Variants in GRID2 observed in about 807,000 individuals in gnomAD.
GRID2 encodes glutamate receptor ionotropic, delta-2.
In GRID2, 33 loss-of-function variants were observed where a neutral mutation model predicts 114.8. That is an observed-to-expected ratio of 0.29 (90% CI 0.22 to 0.38). The LOEUF (loss-of-function observed/expected upper bound fraction) is 0.38. Ranked by LOEUF, GRID2 falls within the 10% of genes least tolerant of loss-of-function variation. The pLI is 1.00. For synonymous variants in GRID2, 505 were observed against 449.9 expected, an observed-to-expected ratio of 1.12 and a Z score of -1.55; for missense variants, 1,184 against 1,257.7, an observed-to-expected ratio of 0.94 and a Z score of 0.89.
intron 13 of GRID2, among the ~76,000 whole-genome samples, chr4:93,578,996 G>A (rs1290473064): frequency 2.0e-5 from 3 of 152,126 alleles, no homozygotes; most frequent in African/African-American, 7.2e-5. Context: ...CTTCGTAGGA[G>A]CATTTCTGGA....
intron 1 of GRID2, among the ~76,000 whole-genome samples, chr4:92,571,626 G>A (rs368710423): frequency 6.6e-6 from 1 of 151,884 alleles, no homozygotes; most frequent in Non-Finnish European, 1.5e-5. Flanking sequence ...TGACCACATA[G>A]TTGGAAGTAA....
chr4:92,499,930 A>T (rs1314196457), intron 1 of GRID2, among the ~76,000 whole-genome samples: 1 of 152,200 alleles, frequency 6.6e-6, no homozygotes, highest in African/African-American at 2.4e-5. Flanking sequence ...ATGTTTTTAT[A>T]CATCCAAATT....
chr4:92,794,874 T>A lies in GRID2; in HGVS notation c.244+204588T>A, dbSNP rs553806257. The stretch of plus-strand genomic sequence containing the variant: ...CAGAGTCATTTAATAAATAATTGTT[T>A]TATATATATATATATATATATATAT... On this transcript the variant is annotated intron_variant, in intron 2 of 15. Coordinates refer to ENST00000282020, the MANE Select transcript of GRID2 (RefSeq NM_001510.4). Among the ~76,000 whole-genome samples, 521 of 106,006 alleles carry A rather than the reference T, an allele frequency of 4.9e-3. 3 individuals carry two copies. Among genetic ancestry groups the A allele is most frequent in the Middle Eastern group, 0.014 (3 of 208 alleles). 69.5% of individuals were successfully genotyped at this position (106,006 alleles called of 152,430 possible).
At chr4:92,762,470 G>A (rs1000042877) in intron 2 of GRID2, among the ~76,000 whole-genome samples, 1 of 149,156 alleles carries the variant, frequency 6.7e-6, no homozygotes, top group Admixed American at 6.7e-5. Flanking sequence ...ACATTTTATT[G>A]TATCTTTTTA....
At position 93,454,176 on chromosome 4, in the gene GRID2, G is replaced by A. The variant is rs575385548; in HGVS notation, c.1546-1486G>A. On this transcript the variant is annotated intron_variant, in intron 10 of 15. Coordinates refer to ENST00000282020, the MANE Select transcript of GRID2 (RefSeq NM_001510.4). ...GTTAATAATTGTAGATCCATGGTAC[G>A]TATACTAATATGGTCTTGTTATAAT... Among the ~76,000 whole-genome samples, 12 of 151,962 alleles carry A rather than the reference G, an allele frequency of 7.9e-5. 1 individual carries two copies. The South Asian group carries it at 8.3e-4, about 11-fold the overall frequency.
At position 93,416,526 on chromosome 4, in the gene GRID2, T is replaced by C. The variant is rs148131094; in HGVS notation, c.1348-6245T>C. ...GACTCATTCTTAGTTTTGGCCTTCCTGGCATTCTGTAGTCGTGCATATTAA... is the reference window on the plus strand; with the variant it reads ...GACTCATTCTTAGTTTTGGCCTTCCCGGCATTCTGTAGTCGTGCATATTAA... On this transcript the variant is annotated intron_variant, in intron 9 of 15. Transcript: ENST00000282020. 2.5e-3 allele frequency among the ~76,000 whole-genome samples: 384 copies of C among 152,188 alleles called. 1 individual carries two copies. Among genetic ancestry groups the C allele is most frequent in the African/African-American group, 8.6e-3 (357 of 41,574 alleles).
Position 92,639,910 on chromosome 4 carries a change from T to C in GRID2, c.244+49624T>C, listed in dbSNP as rs1299501559. ...AATAATTATATAAATATCTGGCATTTAACTACTAAAGACATGTTCGTATGT... is the reference window on the plus strand; with the variant it reads ...AATAATTATATAAATATCTGGCATTCAACTACTAAAGACATGTTCGTATGT... On this transcript the variant is annotated intron_variant, in intron 2 of 15. Coordinates refer to ENST00000282020, the MANE Select transcript of GRID2 (RefSeq NM_001510.4). Among the ~76,000 whole-genome samples, 13 of 151,964 alleles carry C rather than the reference T, an allele frequency of 8.6e-5. No homozygotes were observed. The East Asian group carries it at 2.5e-3, about 30-fold the overall frequency.
At chr4:93,082,793 A>G (rs1729982092) in intron 2 of GRID2, among the ~76,000 whole-genome samples, 3 of 152,210 alleles carry the variant, frequency 2.0e-5, no homozygotes, top group Admixed American at 2.0e-4. Context: ...AAGTTTTTGT[A>G]TACAAAATTA....
intron 8 of GRID2, among the ~76,000 whole-genome samples, chr4:93,333,338 C>T (rs973226609): frequency 6.6e-6 from 1 of 152,160 alleles, no homozygotes; most frequent in East Asian, 1.9e-4. Context: ...GGTCTATAGA[C>T]TGCACTTTTG....
chr4:92,682,419 C>T (rs946910115), intron 2 of GRID2, among the ~76,000 whole-genome samples: 4 of 152,118 alleles, frequency 2.6e-5, no homozygotes, highest in African/African-American at 4.8e-5. Context: ...GCCCAGAGAT[C>T]TGTGTTTTTA....
intron 1 of GRID2, among the ~76,000 whole-genome samples, chr4:92,526,312 T>G (rs1028867526): frequency 1.3e-5 from 2 of 152,110 alleles, no homozygotes; most frequent in South Asian, 2.1e-4. Flanking sequence ...CAGGATGGCA[T>G]TAAAAACCAA....
intron 1 of GRID2, among the ~76,000 whole-genome samples, chr4:93,784,343 C>T (rs1427912497): frequency 1.3e-5 from 2 of 151,858 alleles, no homozygotes; most frequent in Non-Finnish European, 2.9e-5. Flanking sequence ...ATTTCTATGG[C>T]CCACTAATTA....
chr4:93,677,712 C>G (rs1333559615), intron 14 of GRID2, among the ~76,000 whole-genome samples: 1 of 152,182 alleles, frequency 6.6e-6, no homozygotes, highest in Non-Finnish European at 1.5e-5. Context: ...AGACCTGCAA[C>G]AGAGGGTCCT....
At chr4:93,171,033 C>T (rs958154422) in intron 4 of GRID2, among the ~76,000 whole-genome samples, 1 of 152,106 alleles carries the variant, frequency 6.6e-6, no homozygotes, top group East Asian at 1.9e-4. Context: ...ACGGTTTATA[C>T]TCAGTACAAA....
chr4:92,923,885 A>C (rs373491263), intron 2 of GRID2, among the ~76,000 whole-genome samples: 59 of 152,252 alleles, frequency 3.9e-4, no homozygotes, highest in Admixed American at 3.7e-3. Context: ...TTGACCCAGC[A>C]ATCTGATTAC....
rs373289187 is a variant in GRID2 at position 92,487,453 on chromosome 4, C to G, written c.89-102678C>G. 6.1e-4 allele frequency among the ~76,000 whole-genome samples: 93 copies of G among 152,076 alleles called. 1 individual carries two copies. In the South Asian group the frequency reaches 0.013, roughly 21 times the overall value. On this transcript the variant is annotated intron_variant, in intron 1 of 15. Coordinates refer to ENST00000282020, the MANE Select transcript of GRID2 (RefSeq NM_001510.4). The stretch of plus-strand genomic sequence containing the variant: ...AACAGGCCTTCTGACATTAAAATCT[C>G]TCAAGTTTTTGCCAGTTTCTTCATT...
At chr4:93,213,074 G>T (rs545486729) in intron 5 of GRID2, among the ~76,000 whole-genome samples, 1 of 152,054 alleles carries the variant, frequency 6.6e-6, no homozygotes, top group Non-Finnish European at 1.5e-5. Context: ...TGCCTGGCCA[G>T]TTTGGGGGGT....
chr4:92,520,374 A>G (rs1724707815), intron 1 of GRID2, among the ~76,000 whole-genome samples: 1 of 130,162 alleles, frequency 7.7e-6, no homozygotes, highest in African/African-American at 2.6e-5. Context: ...GAACATATTG[A>G]TAAAAAAAAA....
At chr4:93,574,127 A>G (rs1736186229) in intron 13 of GRID2, among the ~76,000 whole-genome samples, 1 of 152,116 alleles carries the variant, frequency 6.6e-6, no homozygotes, top group Admixed American at 6.6e-5. Flanking sequence ...TGTGACTTAA[A>G]TTCACAGTCC....
Sources: allele counts gnomAD v4.1 joint callset (sites outside exome capture counted in the v4.1 genomes callset), GRCh38; gene constraint gnomAD v4.1.1; transcripts MANE v1.5; gene names NCBI Gene and HGNC (gene_info 2026-07-23, HGNC 2026-07-21).